GATAD1: variants seen among roughly 807,000 people sequenced by gnomAD.
GATAD1 encodes GATA zinc finger domain containing 1, also known as GATA zinc finger domain-containing protein 1.
A neutral mutation model predicts 26.5 loss-of-function variants in GATAD1; 12 were observed. The observed-to-expected ratio is 0.45, with a 90% confidence interval of 0.29 to 0.73. The LOEUF (loss-of-function observed/expected upper bound fraction) is 0.73. Among genes scored for constraint, GATAD1 ranks in the 30% least tolerant of loss-of-function variants. The pLI, the probability that GATAD1 is intolerant of heterozygous loss-of-function variation, is 0.10. For synonymous variants in GATAD1, 129 were observed against 133.1 expected (o/e 0.97, Z 0.21); for missense variants, 266 against 342.1 (o/e 0.78, Z 1.75).
At chr7:92,479,186 GTGT>G in the GATAD1 span, among the ~76,000 whole-genome samples, 41 of 152,248 alleles carry the variant, frequency 2.7e-4, no homozygotes, top group African/African-American at 9.4e-4. Context: ...ATGTGTGTCC[GTGT>G]TGTTGTCACC....
intron 1 of GATAD1, 71 bp downstream of exon 1, chr7:92,448,049 G>A (rs1262438399): frequency 9.8e-6 from 11 of 1,126,796 alleles, no homozygotes; most frequent in Admixed American, 9.0e-5. Flanking sequence ...GGGCTGGCTG[G>A]GAGCGGGCGG....
At chr7:92,448,695 C>T (rs1789282311) in intron 1 of GATAD1, 57 bp from the exon 2 acceptor site, 3 of 1,403,258 alleles carry the variant, frequency 2.1e-6, no homozygotes, top group South Asian at 1.2e-5. Context: ...TGTACTGCAA[C>T]CTTTATGCAC....
At chr7:92,471,256 G>T in the GATAD1 span, 1 of 166,818 alleles carries the variant, frequency 6.0e-6, no homozygotes, top group Admixed American at 6.5e-5. Context: ...CTTCTCCAGG[G>T]TAATGGCCTG....
chr7:92,482,451 T>C, the GATAD1 span, among the ~76,000 whole-genome samples: 65 of 152,230 alleles, frequency 4.3e-4, no homozygotes, highest in Non-Finnish European at 9.1e-4. Context: ...ATGGAGAGTT[T>C]ATAGGTTTTA....
chr7:92,469,696 A>T, the GATAD1 span: 2 of 762,838 alleles, frequency 2.6e-6, no homozygotes, highest in African/African-American at 3.4e-5. Context: ...GGTATGGGTT[A>T]TTTCCAGATT....
rs794729022 is a variant in GATAD1 at position 92,454,679 on chromosome 7, A to G, written c.613A>G (p.Ile205Val). 26 of 1,576,312 alleles carry G rather than the reference A, an allele frequency of 1.6e-5. No individual in the cohort carries two copies. The highest frequency in any genetic ancestry group is 2.2e-5 in the Non-Finnish European group (26 of 1,164,948). ...AGACCAATTTGATCCCGCCTCCTAT[A>G]TCATAGGTAAGTTTGACAAATGGCA... ...PRDQFDPASYIIGPEEDLPRK... is the reference protein window; with the variant it reads ...PRDQFDPASYVIGPEEDLPRK... The change falls in exon 4 of 5, where the codon ATC (isoleucine) becomes GTC (valine). Residue 205 changes from isoleucine to valine, a missense_variant. Physicochemically the swap from Ile to Val is conservative, Grantham distance 29 (BLOSUM62 3). Coordinates refer to ENST00000287957, the MANE Select transcript of GATAD1 (RefSeq NM_021167.5).
chr7:92,448,044 G>T, intron 1 of GATAD1, 66 bp downstream of exon 1: 1 of 1,149,978 alleles, frequency 8.7e-7, no homozygotes, highest in African/African-American at 1.6e-5. Flanking sequence ...GGGACGGGCT[G>T]GCTGGGAGCG....
the GATAD1 span, chr7:92,493,024 C>A: frequency 6.2e-7 from 1 of 1,613,206 alleles, no homozygotes; most frequent in African/African-American, 1.3e-5. Flanking sequence ...GCTTTCAGAT[C>A]AGCTCCAGTA....
At chr7:92,461,484 A>T (rs1415272378), downstream of GATAD1, 1 of 152,188 alleles carries the variant, frequency 6.6e-6, no homozygotes, top group Non-Finnish European at 1.5e-5. Flanking sequence ...ATTCTGGCTG[A>T]TAACAGTTGC....
At chr7:92,488,266 G>A in the GATAD1 span, among the ~76,000 whole-genome samples, 1 of 152,130 alleles carries the variant, frequency 6.6e-6, no homozygotes, top group Non-Finnish European at 1.5e-5. Flanking sequence ...TGCTTTGGGA[G>A]GTGGTGGGCT....
In GATAD1 at chr7:92,458,191, A is replaced by G. The variant is rs1240885219; in HGVS notation, c.*1629A>G. 6.6e-6 allele frequency: 1 copy of G among 152,230 alleles called. No individual in the cohort carries two copies. Among genetic ancestry groups the G allele is most frequent in the Non-Finnish European group, 1.5e-5 (1 of 68,050 alleles). 9.4% of individuals were successfully genotyped at this position (152,230 alleles called of 1,614,324 possible). On this transcript the variant is annotated 3_prime_UTR_variant, in exon 5 of 5. Transcript: ENST00000287957. ...AATCCTTCTGTAGAAACAGGCATTC[A>G]GAACCATTCCATTGATCTTAATAAA...
chr7:92,491,589 G>C, the GATAD1 span: 1 of 800,476 alleles, frequency 1.2e-6, no homozygotes, highest in Admixed American at 2.1e-5. Flanking sequence ...CATTCTATTA[G>C]AGCAATACAA....
the GATAD1 span, chr7:92,494,560 A>G: frequency 1.4e-5 from 22 of 1,613,858 alleles, no homozygotes; most frequent in Admixed American, 1.5e-4. Flanking sequence ...CTGTATTATC[A>G]TGACCCCGCC....
At chr7:92,475,657 C>A in the GATAD1 span, among the ~76,000 whole-genome samples, 1 of 142,472 alleles carries the variant, frequency 7.0e-6, no homozygotes, top group Non-Finnish European at 1.5e-5. Flanking sequence ...GTCCTGCACC[C>A]CTTTTCCCGC....
chr7:92,491,550 G>A, the GATAD1 span: 1 of 1,128,754 alleles, frequency 8.9e-7, no homozygotes, highest in Non-Finnish European at 1.3e-6. Flanking sequence ...AACAATTTTA[G>A]TCTCAGAAAT....
downstream of GATAD1, among the ~76,000 whole-genome samples, chr7:92,464,262 T>C (rs1303441371): frequency 6.6e-6 from 1 of 152,204 alleles, no homozygotes; most frequent in Non-Finnish European, 1.5e-5. Flanking sequence ...TGTTTTGTAA[T>C]GTGAGGACTG....
In GATAD1 at chr7:92,447,889, G is replaced by A. The variant is rs10281879; in HGVS notation, c.160G>A (p.Gly54Ser). 0.12 allele frequency: 149,330 copies of A among 1,275,386 alleles called. 8,931 individuals are homozygous for A. The highest frequency in any genetic ancestry group is 0.12 in the Middle Eastern group (537 of 4,310). 79.0% of individuals were successfully genotyped at this position (1,275,386 alleles called of 1,614,324 possible). The change falls in exon 1 of 5, where the codon GGC becomes AGC. Residue 54 changes from glycine to serine, a missense_variant. Coordinates refer to ENST00000287957, the MANE Select transcript of GATAD1 (RefSeq NM_021167.5). ...AGSGAAGGTG[G>S]SGGGGFGAAT... is the part of the protein sequence containing the mutation. ...CTCGGGGGCGGCTGGAGGGACTGGG[G>A]GCAGCGGCGGCGGCGGCTTCGGCGC...
the GATAD1 span, chr7:92,470,125 TAATG>T: frequency 1.3e-6 from 1 of 778,824 alleles, no homozygotes; most frequent in South Asian, 1.3e-5. Context: ...TCCTGTCCAA[TAATG>T]AGTATTTGCA....
At chr7:92,482,362 A>G in the GATAD1 span, among the ~76,000 whole-genome samples, 1 of 152,186 alleles carries the variant, frequency 6.6e-6, no homozygotes, top group African/African-American at 2.4e-5. Context: ...AGGCAAAACA[A>G]TTTGGTTGAT....
Sources: gnomAD v4.1 joint callset for allele counts (sites outside exome capture counted in the v4.1 genomes callset) on GRCh38, gnomAD v4.1.1 for gene constraint, MANE v1.5 for transcripts, NCBI Gene and HGNC (gene_info 2026-07-23, HGNC 2026-07-21) for gene names.